LCOR: variants seen among roughly 807,000 people sequenced by gnomAD.
The protein encoded by LCOR is ligand dependent nuclear receptor corepressor.
LCOR carries 14 observed loss-of-function variants against 64.4 expected under a neutral mutation model. The ratio of observed to expected loss-of-function variants is 0.22; its 90% CI spans 0.14 to 0.34. LCOR has a LOEUF of 0.34. LCOR is among the 10% of genes least tolerant of loss of function. LCOR has a pLI of 1.00. For missense variants in LCOR, 1,686 were observed against 1,765.3 expected, an observed-to-expected ratio of 0.96 and a Z score of 0.80; for synonymous variants, 643 against 642.5, an observed-to-expected ratio of 1.00 and a Z score of -0.01.
chr10:96,941,359 G>A lies in LCOR; in HGVS notation c.-183-2754G>A, dbSNP rs539391566. Among the ~76,000 whole-genome samples the A allele has an allele frequency of 3.2e-3, 457 of 144,164 alleles. 1 individual carries two copies. Among genetic ancestry groups the A allele is most frequent in the Non-Finnish European group, 5.0e-3 (323 of 65,120 alleles). The allele number at this position is 144,164 out of a possible 152,430, so 94.6% of individuals were successfully genotyped here. A position where few individuals can be genotyped will look rare whatever the true frequency, so the allele number is the denominator to read the frequency against. On this transcript the variant is annotated intron_variant, in intron 4 of 7. Transcript: ENST00000421806. ...GAGTCCTCACTTCCCAGTAGGGGCG[G>A]CCGGGCAGAGGCGCCCCTCACCTCC...
intron 2 of LCOR, among the ~76,000 whole-genome samples, chr10:96,837,727 G>A (rs973670336): frequency 6.6e-6 from 1 of 152,276 alleles, no homozygotes; most frequent in Non-Finnish European, 1.5e-5. Context: ...GTTGGTATTT[G>A]GAAAGAGTCA....
chr10:96,896,583 C>T (rs1487168101), intron 2 of LCOR, among the ~76,000 whole-genome samples: 1 of 152,010 alleles, frequency 6.6e-6, no homozygotes, highest in Non-Finnish European at 1.5e-5. Context: ...ACCACGAAGC[C>T]TAGCTAATTT....
chr10:96,915,773 C>G (rs1468914366), intron 4 of LCOR: 2 of 621,302 alleles, frequency 3.2e-6, no homozygotes, highest in African/African-American at 1.8e-5. Context: ...CTTTGCAGGG[C>G]CCTTTTGAAG....
At chr10:96,849,011 G>GT (rs144865916) in intron 2 of LCOR, among the ~76,000 whole-genome samples, 62,222 of 106,382 alleles carry the variant, frequency 0.58, 22,396 homozygotes, top group Non-Finnish European at 0.77. Context: ...AGTTGAAAAT[G>GT]TTTTTTTTTT....
At position 96,858,830 on chromosome 10, in the gene LCOR, A is replaced by G. The variant is rs1278316397; in HGVS notation, c.-330+25351A>G. 2.0e-5 allele frequency among the ~76,000 whole-genome samples: 3 copies of G among 152,198 alleles called. No homozygotes were observed. In the South Asian group the frequency reaches 6.2e-4, roughly 31 times the overall value. The stretch of plus-strand genomic sequence containing the variant: ...TGAATGAATTTGTAACTTAGATTCC[A>G]GAACCCTGCCTGGCAGATGGCCTGG... On this transcript the variant is annotated intron_variant, in intron 2 of 7. Coordinates refer to ENST00000421806, the MANE Select transcript of LCOR (RefSeq NM_001346516.2).
At chr10:96,930,021 A>G (rs7894138) in intron 4 of LCOR, among the ~76,000 whole-genome samples, 29,847 of 152,122 alleles carry the variant, frequency 0.2, 5,071 homozygotes, top group African/African-American at 0.46. Context: ...AAAAATCACT[A>G]ATTAGGAATC....
intron 7 of LCOR, chr10:96,956,704 GAGGATATAGCCTTA>G (rs1847789587): frequency 2.0e-6 from 2 of 985,726 alleles, no homozygotes; most frequent in Admixed American, 1.2e-4. Flanking sequence ...ACCAACAAGT[GAGGATATAGCCTTA>G]TCTCATGGAG....
chr10:96,865,839 A>C (rs1454442592), intron 2 of LCOR, among the ~76,000 whole-genome samples: 1 of 144,734 alleles, frequency 6.9e-6, no homozygotes, highest in Non-Finnish European at 1.5e-5. Context: ...GCGCCATTAC[A>C]CTCCAGCCTG....
At chr10:96,957,614 T>A in intron 7 of LCOR, 1 of 985,386 alleles carries the variant, frequency 1.0e-6, no homozygotes, top group Non-Finnish European at 1.2e-6. Flanking sequence ...TTGGTTAGAT[T>A]GATTTCAGAT....
At chr10:96,947,339 A>G (rs1190491299) in intron 5 of LCOR, among the ~76,000 whole-genome samples, 3 of 152,238 alleles carry the variant, frequency 2.0e-5, no homozygotes, top group African/African-American at 7.2e-5. Flanking sequence ...CTTTGTGACC[A>G]TCTTCTGGTA....
At chr10:96,837,172 A>G (rs1845457956) in intron 2 of LCOR, among the ~76,000 whole-genome samples, 2 of 151,760 alleles carry the variant, frequency 1.3e-5, no homozygotes, top group Admixed American at 6.6e-5. Flanking sequence ...TTGTCTTTTT[A>G]GTAGAGACGG....
chr10:96,933,871 A>C (rs748794476), intron 4 of LCOR, among the ~76,000 whole-genome samples: 6 of 152,234 alleles, frequency 3.9e-5, no homozygotes, highest in Non-Finnish European at 7.3e-5. Context: ...TGGATTTTTC[A>C]ATATTGATTT....
At chr10:96,846,737 A>G (rs944989955) in intron 2 of LCOR, among the ~76,000 whole-genome samples, 1 of 152,238 alleles carries the variant, frequency 6.6e-6, no homozygotes, top group Non-Finnish European at 1.5e-5. Context: ...AAATAGACAT[A>G]TACTGAGAAA....
At chr10:96,869,369 C>T (rs557265782) in intron 2 of LCOR, among the ~76,000 whole-genome samples, 107 of 152,102 alleles carry the variant, frequency 7.0e-4, no homozygotes, top group African/African-American at 2.4e-3. Context: ...TGTGCTACCA[C>T]GGCCAGCTAA....
At chr10:96,908,025 C>T (rs971622471) in intron 4 of LCOR, 2 of 151,710 alleles carry the variant, frequency 1.3e-5, no homozygotes, top group Non-Finnish European at 2.9e-5. Flanking sequence ...GACGGAGTCT[C>T]TCTGTGATGC....
chr10:96,962,744 C>T (rs1847900331), intron 7 of LCOR: 1 of 151,984 alleles, frequency 6.6e-6, no homozygotes, highest in South Asian at 2.1e-4. Flanking sequence ...GTATACTTTA[C>T]AGCAGCTTAT....
At chr10:96,880,906 G>C (rs140969393) in intron 2 of LCOR, among the ~76,000 whole-genome samples, 1 of 152,330 alleles carries the variant, frequency 6.6e-6, no homozygotes, top group African/African-American at 2.4e-5. Flanking sequence ...TTGAGTGACT[G>C]TCAAGTCTTT....
At chr10:96,968,303 C>G (rs1195698771) in intron 7 of LCOR, among the ~76,000 whole-genome samples, 1 of 152,156 alleles carries the variant, frequency 6.6e-6, no homozygotes, top group Non-Finnish European at 1.5e-5. Context: ...TTCATACCAT[C>G]TTACTTATCT....
chr10:96,938,945 C>G (rs1035775668), intron 4 of LCOR, among the ~76,000 whole-genome samples: 5 of 152,274 alleles, frequency 3.3e-5, no homozygotes, highest in South Asian at 4.1e-4. Context: ...CAAATTGATA[C>G]GCTGATTCAG....
Sources: allele counts gnomAD v4.1 joint callset (sites outside exome capture counted in the v4.1 genomes callset), GRCh38; gene constraint gnomAD v4.1.1; transcripts MANE v1.5; gene names NCBI Gene and HGNC (gene_info 2026-07-23, HGNC 2026-07-21).